The following FMN1 variants were observed in gnomAD, a reference collection of about 807,000 sequenced individuals.
FMN1 encodes the protein formin-1.
Under a neutral mutation model 132.4 loss-of-function variants are expected in FMN1, and 110 were observed. The observed-to-expected ratio is 0.83, with a 90% CI of 0.71 to 0.97. FMN1 has a LOEUF of 0.97. Among genes scored for constraint, FMN1 ranks in the 50% least tolerant of loss-of-function variants. The pLI is 0.00. For synonymous variants in FMN1, 722 were observed against 651.7 expected, an observed-to-expected ratio of 1.11 and a Z score of -1.64; for missense variants, 1,792 against 1,705.3, an observed-to-expected ratio of 1.05 and a Z score of -0.90.
At chr15:32,958,173 A>C (rs2030047004) in intron 9 of FMN1, among the ~76,000 whole-genome samples, 1 of 152,188 alleles carries the variant, frequency 6.6e-6, no homozygotes, top group African/African-American at 2.4e-5. Context: ...TCTGAAGAAA[A>C]CCATGGATAA....
chr15:32,967,317 G>A (rs1342553534), intron 8 of FMN1, among the ~76,000 whole-genome samples: 1 of 152,196 alleles, frequency 6.6e-6, no homozygotes, highest in African/African-American at 2.4e-5. Context: ...AGTCTCTCAG[G>A]GAAGGAAGTG....
At chr15:32,807,543 C>A (rs1361142313) in intron 17 of FMN1, among the ~76,000 whole-genome samples, 5 of 152,128 alleles carry the variant, frequency 3.3e-5, no homozygotes, top group African/African-American at 9.7e-5. Flanking sequence ...CTTCTTGGAC[C>A]AGCTCTGCTC....
rs181737420 is a variant in FMN1 at position 32,996,807 on chromosome 15, G to A, written c.2223+11207C>T. 1.2e-3 allele frequency among the ~76,000 whole-genome samples: 182 copies of A among 152,254 alleles called. 1 individual carries two copies. Among genetic ancestry groups the A allele is most frequent in the African/African-American group, 4.0e-3 (165 of 41,550 alleles). On this transcript the variant is annotated intron_variant, in intron 7 of 20. Transcript: ENST00000616417. ...TTGGAGTTGTTAGAAGCAGCAACTA[G>A]TACCATTTATCACACATGAACACAC...
At chr15:32,974,039 A>G (rs2140704832) in intron 7 of FMN1, among the ~76,000 whole-genome samples, 1 of 152,314 alleles carries the variant, frequency 6.6e-6, no homozygotes, top group South Asian at 2.1e-4. Context: ...AAGTGTCAAA[A>G]CCAGTCCCTT....
At chr15:32,788,732 A>T (rs2056964001) in intron 19 of FMN1, among the ~76,000 whole-genome samples, 2 of 152,242 alleles carry the variant, frequency 1.3e-5, no homozygotes, top group Admixed American at 1.3e-4. Flanking sequence ...AGGGAAATGG[A>T]GTGCGGACAG....
At position 32,974,500 on chromosome 15, in the gene FMN1, T is replaced by C. The variant is rs552719776; in HGVS notation, c.2224-5023A>G. Among the ~76,000 whole-genome samples, 8 of 152,330 alleles carry C rather than the reference T, an allele frequency of 5.3e-5. No homozygotes were observed. The South Asian group carries it at 1.7e-3, about 32-fold the overall frequency. ...AACCATCCTGTTTTGATTACCCCTT[T>C]TTTCCTAGTGGCACAATTTTTACCT... is the stretch of plus-strand genomic sequence containing the variant. On this transcript the variant is annotated intron_variant, in intron 7 of 20. Coordinates refer to ENST00000616417, the MANE Select transcript of FMN1 (RefSeq NM_001277313.2).
At chr15:33,111,351 G>C (rs1040992149) in intron 4 of FMN1, among the ~76,000 whole-genome samples, 1 of 152,166 alleles carries the variant, frequency 6.6e-6, no homozygotes, top group Non-Finnish European at 1.5e-5. Context: ...CTGTGAAGAA[G>C]TTGGGACTCT....
chr15:33,015,807 GA>G (rs1427993902), intron 6 of FMN1, among the ~76,000 whole-genome samples: 1 of 152,138 alleles, frequency 6.6e-6, no homozygotes, highest in East Asian at 1.9e-4. Flanking sequence ...GTAGGTATCT[GA>G]ACTTTTTATT....
chr15:33,002,670 G>C (rs1235067996), intron 7 of FMN1, among the ~76,000 whole-genome samples: 1 of 152,156 alleles, frequency 6.6e-6, no homozygotes, highest in Admixed American at 6.5e-5. Context: ...AGTCATACAA[G>C]AAAATAAGTC....
intron 6 of FMN1, among the ~76,000 whole-genome samples, chr15:33,011,408 T>C (rs1032839343): frequency 4.6e-5 from 7 of 152,092 alleles, no homozygotes; most frequent in African/African-American, 1.7e-4. Flanking sequence ...TACTATAATC[T>C]ATTAGAAGTC....
chr15:32,792,665 G>A (rs147891591), intron 19 of FMN1, among the ~76,000 whole-genome samples: 4 of 152,232 alleles, frequency 2.6e-5, no homozygotes, highest in African/African-American at 7.2e-5. Context: ...CCTTGTGTAT[G>A]GCCATGAGAC....
intron 17 of FMN1, among the ~76,000 whole-genome samples, chr15:32,829,245 GATGGCACAACAGTTT>G (rs1158185417): frequency 6.6e-6 from 1 of 152,100 alleles, no homozygotes; most frequent in Non-Finnish European, 1.5e-5. Flanking sequence ...TATAATCTAA[GATGGCACAACAGTTT>G]ATGAGACCAA....
chr15:33,164,277 C>T (rs1053247532), intron 3 of FMN1, among the ~76,000 whole-genome samples: 3 of 152,172 alleles, frequency 2.0e-5, no homozygotes, highest in South Asian at 2.1e-4. Flanking sequence ...ACTAGAGTTT[C>T]GGAGGCAAAA....
intron 16 of FMN1, among the ~76,000 whole-genome samples, chr15:32,862,245 C>T (rs908358500): frequency 1.2e-4 from 19 of 152,028 alleles, no homozygotes; most frequent in African/African-American, 3.6e-4. Flanking sequence ...GACTCGCATA[C>T]GATATTGCTA....
intron 4 of FMN1, among the ~76,000 whole-genome samples, chr15:33,092,714 G>A (rs28510826): frequency 0.29 from 43,741 of 152,030 alleles, 7,157 homozygotes; most frequent in Admixed American, 0.37. Flanking sequence ...ATAAGCCACT[G>A]AGATTTGAGG....
At chr15:32,996,060 A>C (rs2033751303) in intron 7 of FMN1, among the ~76,000 whole-genome samples, 1 of 152,202 alleles carries the variant, frequency 6.6e-6, no homozygotes, top group Non-Finnish European at 1.5e-5. Context: ...GAGTAAACTA[A>C]ACATGCTGCT....
At chr15:33,116,275 CT>C (rs1227821710) in intron 4 of FMN1, among the ~76,000 whole-genome samples, 5 of 152,182 alleles carry the variant, frequency 3.3e-5, no homozygotes, top group African/African-American at 1.2e-4. Context: ...TTATAAAACT[CT>C]TTTAAAGTAT....
chr15:32,793,210 A>G (rs1027486620), intron 19 of FMN1, among the ~76,000 whole-genome samples: 2 of 151,982 alleles, frequency 1.3e-5, no homozygotes, highest in African/African-American at 2.4e-5. Context: ...GCATATTTTT[A>G]ATTTTGCAGA....
chr15:32,865,684 A>G (rs2059374789), intron 16 of FMN1, among the ~76,000 whole-genome samples: 1 of 152,078 alleles, frequency 6.6e-6, no homozygotes, highest in African/African-American at 2.4e-5. Context: ...TAAAAATACA[A>G]AATTAGCCAG....
Sources: allele counts gnomAD v4.1 joint callset (sites outside exome capture counted in the v4.1 genomes callset), GRCh38; gene constraint gnomAD v4.1.1; transcripts MANE v1.5; gene names NCBI Gene and HGNC (gene_info 2026-07-23, HGNC 2026-07-21).